The following FHIT variants were observed in gnomAD, a reference collection of about 807,000 sequenced individuals.
FHIT encodes bis(5'-adenosyl)-triphosphatase.
Under a neutral mutation model 17.9 loss-of-function variants are expected in FHIT, and 19 were observed. The ratio of observed to expected loss-of-function variants is 1.06; its 90% CI spans 0.74 to 1.56. The LOEUF is 1.56. Among genes scored for constraint, FHIT ranks in the 40% most tolerant of loss-of-function variants. The probability of loss-of-function intolerance (pLI) is 0.00; values close to 1 mark genes in which losing one functional copy is unlikely to be tolerated. For synonymous variants in FHIT, 81 were observed against 69.7 expected, an observed-to-expected ratio of 1.16 and a Z score of -0.81; for missense variants, 248 against 189.2, an observed-to-expected ratio of 1.31 and a Z score of -1.82.
At chr3:59,855,392 G>A (rs1001066291) in intron 8 of FHIT, among the ~76,000 whole-genome samples, 2 of 152,024 alleles carry the variant, frequency 1.3e-5, no homozygotes, top group African/African-American at 4.8e-5. Flanking sequence ...GGGTTTTATT[G>A]CATGTATAAT....
At chr3:60,192,021 C>A (rs1039470110) in intron 5 of FHIT, among the ~76,000 whole-genome samples, 1 of 151,900 alleles carries the variant, frequency 6.6e-6, no homozygotes, top group Non-Finnish European at 1.5e-5. Context: ...GAGACTGAGG[C>A]GGGTGGATTA....
At chr3:60,667,430 TTC>T (rs1351240928) in intron 4 of FHIT, among the ~76,000 whole-genome samples, 1 of 152,292 alleles carries the variant, frequency 6.6e-6, no homozygotes, top group East Asian at 1.9e-4. Context: ...CTATTTTTAT[TTC>T]TGTTATTTTT....
intron 4 of FHIT, among the ~76,000 whole-genome samples, chr3:60,731,829 C>A (rs929201317): frequency 2.6e-5 from 4 of 152,186 alleles, no homozygotes; most frequent in African/African-American, 9.7e-5. Context: ...CTGACCATCA[C>A]CTGATGGTCG....
intron 5 of FHIT, among the ~76,000 whole-genome samples, chr3:60,123,967 A>ATATATATATATATAT (rs1705378774): frequency 3.2e-4 from 9 of 27,792 alleles, no homozygotes; most frequent in Non-Finnish European, 3.8e-4. Flanking sequence ...ATGCACTAAA[A>ATATATATATATATAT]ATATATATAT....
At position 60,136,328 on chromosome 3, in the gene FHIT, C is replaced by A. The variant is rs76951438; in HGVS notation, c.104-122176G>T. 1.3e-3 allele frequency among the ~76,000 whole-genome samples: 198 copies of A among 152,256 alleles called. 4 individuals carry two copies. In the Middle Eastern group the frequency reaches 0.027, roughly 21 times the overall value. On this transcript the variant is annotated intron_variant, in intron 5 of 9. Transcript: ENST00000492590. ...GTAACTGTACTAACAGAGCCAAGGG[C>A]TATATATTCTTCTTCATCCCATAAA... is the stretch of plus-strand genomic sequence containing the variant.
At chr3:61,248,702 C>A (rs2040543319) in intron 1 of FHIT, among the ~76,000 whole-genome samples, 1 of 152,106 alleles carries the variant, frequency 6.6e-6, no homozygotes. Context: ...AAGATGGGGA[C>A]ACAAAAACAT....
chr3:61,132,830 G>A (rs748016868), intron 2 of FHIT, among the ~76,000 whole-genome samples: 1 of 152,164 alleles, frequency 6.6e-6, no homozygotes. Context: ...GGGAGCTATC[G>A]ATGGTTTTAA....
intron 3 of FHIT, among the ~76,000 whole-genome samples, chr3:61,036,918 G>GTT (rs758052063): frequency 3.0e-4 from 38 of 125,970 alleles, no homozygotes; most frequent in African/African-American, 3.9e-4. Context: ...TTTTTTGTTT[G>GTT]TTTGTTTTTT....
intron 5 of FHIT, among the ~76,000 whole-genome samples, chr3:60,375,166 C>T (rs1474040970): frequency 6.6e-6 from 1 of 151,626 alleles, no homozygotes; most frequent in Non-Finnish European, 1.5e-5. Context: ...TTTTTAAATG[C>T]TTTTCAATAA....
chr3:60,195,458 C>T (rs1702585606), intron 5 of FHIT, among the ~76,000 whole-genome samples: 1 of 149,806 alleles, frequency 6.7e-6, no homozygotes, highest in South Asian at 2.1e-4. Context: ...CACCTGCACA[C>T]ATATATTTAT....
At chr3:60,433,642 G>T (rs543984523) in intron 5 of FHIT, among the ~76,000 whole-genome samples, 2 of 152,154 alleles carry the variant, frequency 1.3e-5, no homozygotes, top group South Asian at 4.1e-4. Context: ...TCTCACTGCG[G>T]TTCTGATTCA....
intron 8 of FHIT, among the ~76,000 whole-genome samples, chr3:59,793,306 C>G (rs1575503835): frequency 6.6e-6 from 1 of 152,128 alleles, no homozygotes; most frequent in Non-Finnish European, 1.5e-5. Context: ...AATGAAGCAG[C>G]CTGTTTTTCA....
At chr3:60,046,969 C>G (rs6800898) in intron 5 of FHIT, among the ~76,000 whole-genome samples, 188 of 152,306 alleles carry the variant, frequency 1.2e-3, no homozygotes, top group African/African-American at 3.8e-3. Flanking sequence ...CAGGGCTATT[C>G]TCAGCACATC....
At chr3:60,964,270 T>C (rs1553782294) in intron 3 of FHIT, among the ~76,000 whole-genome samples, 2 of 152,100 alleles carry the variant, frequency 1.3e-5, no homozygotes, top group Non-Finnish European at 2.9e-5. Context: ...TTGTTTTTTT[T>C]TTTCCATTTG....
intron 4 of FHIT, among the ~76,000 whole-genome samples, chr3:60,588,694 G>C (rs547952981): frequency 5.3e-5 from 8 of 151,924 alleles, no homozygotes; most frequent in African/African-American, 1.9e-4. Flanking sequence ...TGTTGCCTAG[G>C]CTGGAGTGCG....
intron 4 of FHIT, among the ~76,000 whole-genome samples, chr3:60,669,461 C>T (rs1389553745): frequency 1.3e-5 from 2 of 152,182 alleles, no homozygotes; most frequent in Non-Finnish European, 2.9e-5. Context: ...TTCCTAAAGC[C>T]ATTACCCGCT....
At chr3:60,872,531 T>G (rs951920602) in intron 3 of FHIT, among the ~76,000 whole-genome samples, 1 of 152,150 alleles carries the variant, frequency 6.6e-6, no homozygotes, top group Non-Finnish European at 1.5e-5. Context: ...AATACATTAC[T>G]CTCTGCATTT....
chr3:60,502,737 C>T (rs17609783), intron 5 of FHIT, among the ~76,000 whole-genome samples: 11,693 of 152,100 alleles, frequency 0.077, 625 homozygotes, highest in East Asian at 0.11. Context: ...TGAGGGCTGA[C>T]GACAACACTA....
At chr3:61,063,642 TG>T (rs2034506379) in intron 2 of FHIT, among the ~76,000 whole-genome samples, 1 of 151,964 alleles carries the variant, frequency 6.6e-6, no homozygotes, top group Non-Finnish European at 1.5e-5. Flanking sequence ...CAAATGAATA[TG>T]GGGGCCAGGA....
Sources: allele counts gnomAD v4.1 joint callset (sites outside exome capture counted in the v4.1 genomes callset), GRCh38; gene constraint gnomAD v4.1.1; transcripts MANE v1.5; gene names NCBI Gene and HGNC (gene_info 2026-07-23, HGNC 2026-07-21).